TTLL8: variants seen among roughly 807,000 people sequenced by gnomAD.
TTLL8 encodes the protein tubulin tyrosine ligase like 8, also known as protein monoglycylase TTLL8.
In TTLL8, 65 loss-of-function variants were observed where a neutral mutation model predicts 77.8. That is an observed-to-expected ratio of 0.84 (90% CI 0.68 to 1.03). The LOEUF (loss-of-function observed/expected upper bound fraction) is 1.03, where lower values mean the gene tolerates loss of function less well. TTLL8 is among the 50% of genes least tolerant of loss of function. The probability of loss-of-function intolerance (pLI) is 0.00; values close to 1 mark genes in which losing one functional copy is unlikely to be tolerated. For synonymous variants in TTLL8, 402 were observed against 422.8 expected (o/e 0.95, Z 0.60); for missense variants, 910 against 1,004.5 (o/e 0.91, Z 1.27).
At chr22:50,054,994 A>C (rs1436586268), upstream of TTLL8, among the ~76,000 whole-genome samples, 1 of 152,168 alleles carries the variant, frequency 6.6e-6, no homozygotes, top group Non-Finnish European at 1.5e-5. Flanking sequence ...CGGGAGGCAG[A>C]GGTTGTGGTA....
At chr22:50,031,003 AG>A in intron 11 of TTLL8, 78 bp from the exon 13 acceptor site, 2 of 1,204,202 alleles carry the variant, frequency 1.7e-6, no homozygotes, top group Non-Finnish European at 2.2e-6. Flanking sequence ...TCTGTGCAGG[AG>A]GGGCTGGTCG....
In TTLL8 at chr22:50,036,542, T is replaced by C. The variant is rs541960747; in HGVS notation, c.922-2080A>G. On this transcript the variant is annotated intron_variant, in intron 8 of 13. Coordinates refer to ENST00000266182, the Ensembl canonical transcript of TTLL8. ...GACAGGGCTGCCCTGTTCCTGAACTTCCTGTCAATGAAACTACACAATTGG... is the reference window on the plus strand; with the variant it reads ...GACAGGGCTGCCCTGTTCCTGAACTCCCTGTCAATGAAACTACACAATTGG... Among the ~76,000 whole-genome samples the C allele has an allele frequency of 2.6e-5, 4 of 151,932 alleles. No individual in the cohort carries two copies. In the South Asian group the frequency reaches 8.4e-4, roughly 32 times the overall value.
At chr22:50,049,437 C>T in intron 2 of TTLL8, 115 bp from the exon 5 acceptor site, 4 of 1,117,248 alleles carry the variant, frequency 3.6e-6, no homozygotes, top group African/African-American at 3.2e-5. Context: ...AAACCTGGCT[C>T]CAGATGGGGC....
At chr22:50,019,553 C>T (rs2061183190) in intron 12 of TTLL8, among the ~76,000 whole-genome samples, 1 of 152,002 alleles carries the variant, frequency 6.6e-6, no homozygotes, top group African/African-American at 2.4e-5. Context: ...AAGCCAGCTG[C>T]CATGTTGTGA....
chr22:50,036,942 G>A (rs747533151), intron 8 of TTLL8, among the ~76,000 whole-genome samples: 2 of 152,226 alleles, frequency 1.3e-5, no homozygotes, highest in Non-Finnish European at 2.9e-5. Flanking sequence ...CATCCACGCT[G>A]CAGCATAGCT....
intron 1 of TTLL8, among the ~76,000 whole-genome samples, chr22:50,051,688 G>A (rs893316118): frequency 3.3e-5 from 5 of 152,108 alleles, no homozygotes; most frequent in African/African-American, 7.2e-5. Context: ...CCACTTCCAC[G>A]CGGACCTCTA....
intron 12 of TTLL8, among the ~76,000 whole-genome samples, chr22:50,020,625 C>T (rs889237910): frequency 1.3e-5 from 2 of 151,372 alleles, no homozygotes; most frequent in Admixed American, 6.6e-5. Context: ...ACGTGTACCC[C>T]TCCATCTGAC....
chr22:50,054,013 T>C (rs1472682128), intron 1 of TTLL8, among the ~76,000 whole-genome samples: 1 of 151,340 alleles, frequency 6.6e-6, no homozygotes, highest in Non-Finnish European at 1.5e-5. Context: ...AGTCTGCACA[T>C]ATTTGTACAC....
At chr22:50,025,778 T>C (rs2061226914) in intron 12 of TTLL8, among the ~76,000 whole-genome samples, 1 of 152,204 alleles carries the variant, frequency 6.6e-6, no homozygotes, top group African/African-American at 2.4e-5. Flanking sequence ...GAAAGGCTAA[T>C]GAACAAAGTG....
rs900763369 is a variant in TTLL8 at position 50,031,676 on chromosome 22, C to T, written c.1707+10G>A. 17 of 1,267,266 alleles carry T rather than the reference C, an allele frequency of 1.3e-5. No homozygotes were observed. The highest frequency in any genetic ancestry group is 1.2e-4 in the African/African-American group (8 of 65,754). The allele number at this position is 1,267,266 out of a possible 1,614,324, so 78.5% of individuals were successfully genotyped here. ...GGCCACCAAAGTCCCCAGGGGCGGG[C>T]GTGGCTCACCTGCCTCCACAGGAGC... is the stretch of plus-strand genomic sequence containing the variant. On this transcript the variant is annotated intron_variant, in intron 11 of 13. Coordinates refer to ENST00000266182, the Ensembl canonical transcript of TTLL8.
intron 10 of TTLL8, 75 bp from the exon 12 acceptor site, chr22:50,032,184 G>A (rs536132476): frequency 8.0e-5 from 102 of 1,274,896 alleles, no homozygotes; most frequent in African/African-American, 1.2e-4. Context: ...CCTCCCAGCC[G>A]TGCTGAGCCC....
intron 12 of TTLL8, among the ~76,000 whole-genome samples, chr22:50,019,965 A>G (rs987871340): frequency 2.0e-5 from 3 of 152,244 alleles, no homozygotes; most frequent in Non-Finnish European, 4.4e-5. Flanking sequence ...TACCAGGAAA[A>G]TCCTCACCAA....
chr22:50,056,059 G>A (rs538053442), upstream of TTLL8, among the ~76,000 whole-genome samples: 150 of 152,256 alleles, frequency 9.9e-4, no homozygotes, highest in African/African-American at 3.5e-3. This position sits in a 1 kb window ranked among gnomAD's most constrained non-coding sequence, Gnocchi z 4.1. Flanking sequence ...CGTCCTCACT[G>A]CTACACTCCC....
upstream of TTLL8, among the ~76,000 whole-genome samples, chr22:50,057,447 G>GCA (rs2061482742): frequency 1.6e-5 from 2 of 124,042 alleles, no homozygotes; most frequent in Non-Finnish European, 1.7e-5. Context: ...TGGGTTGGGG[G>GCA]TCAGGTCTGG....
At chr22:50,056,774 C>T (rs1199708974), upstream of TTLL8, 1 of 1,287,936 alleles carries the variant, frequency 7.8e-7, no homozygotes, top group African/African-American at 1.5e-5. The surrounding 1 kb of genome is among the most constrained non-coding windows in gnomAD (Gnocchi z 4.1). Flanking sequence ...CCCCAGAGTC[C>T]CTGATTTCCT....
chr22:50,029,243 CCCTCGT>C (rs2061262536), intron 12 of TTLL8, among the ~76,000 whole-genome samples: 1 of 33,404 alleles, frequency 3.0e-5, no homozygotes, highest in Admixed American at 3.3e-4. Flanking sequence ...ACCCCACACA[CCCTCGT>C]AAAGACCCCA....
rs527571230 is a variant in TTLL8, at chr22:50,046,502, C to T, written c.394-532G>A. On this transcript the variant is annotated intron_variant, in intron 4 of 13. Transcript: ENST00000266182. The stretch of plus-strand genomic sequence containing the variant: ...AGTGGCTGGCCCCCAGAAAACACAG[C>T]GCACGCTGACTGGCTCTGCACACGG... Among the ~76,000 whole-genome samples, 20 of 152,366 alleles carry T rather than the reference C, an allele frequency of 1.3e-4. No homozygotes were observed. The South Asian group carries it at 3.9e-3, about 30-fold the overall frequency.
In TTLL8 at chr22:50,030,437, T is replaced by A. The variant is rs763429036; in HGVS notation, c.2196A>T (p.Gly732=). 43 of 1,331,550 alleles carry A rather than the reference T, an allele frequency of 3.2e-5. No individual in the cohort carries two copies. The South Asian group carries it at 4.8e-4, about 15-fold the overall frequency. 82.5% of individuals were successfully genotyped at this position (1,331,550 alleles called of 1,614,324 possible). The stretch of plus-strand genomic sequence containing the variant: ...GCCGGCGGCGCAGGTTACCTTTTCC[T>A]CCGGGCGGCGGACGCAGCGCGCCCT... The change falls in exon 12 of 14, where the codon GGA becomes GGT. Residue 732 remains glycine (G), a synonymous_variant. Transcript: ENST00000266182.
chr22:50,056,588 G>A (rs1253218674), upstream of TTLL8, among the ~76,000 whole-genome samples: 3 of 152,180 alleles, frequency 2.0e-5, no homozygotes, highest in Non-Finnish European at 2.9e-5. This position sits in a 1 kb window ranked among gnomAD's most constrained non-coding sequence, Gnocchi z 4.1. Context: ...GGGCCTCCAC[G>A]ACCCGCCAGG....
Sources: gnomAD v4.1 joint callset for allele counts (sites outside exome capture counted in the v4.1 genomes callset) on GRCh38, gnomAD v4.1.1 for gene constraint, Gnocchi (gnomAD v3.1) non-coding constraint, MANE v1.5 for transcripts, NCBI Gene and HGNC (gene_info 2026-07-23, HGNC 2026-07-21) for gene names.